Variants in INF2 observed in about 807,000 individuals in gnomAD.
The protein encoded by INF2 is inverted formin 2.
Under a neutral mutation model 123.5 loss-of-function variants are expected in INF2, and 43 were observed. The observed-to-expected ratio is 0.35, with a 90% CI of 0.27 to 0.45. The LOEUF (loss-of-function observed/expected upper bound fraction) is 0.45. INF2 is among the 20% of genes least tolerant of loss of function. The pLI, the probability that INF2 is intolerant of heterozygous loss-of-function variation, is 1.00. For missense variants in INF2, 1,453 were observed against 1,682.7 expected (o/e 0.86, Z 2.39); for synonymous variants, 851 against 745.0 (o/e 1.14, Z -2.32).
rs777686885 is a variant in INF2 at position 104,711,614 on chromosome 14, C to T, written c.2419-15C>T. 3.2e-5 allele frequency: 51 copies of T among 1,611,204 alleles called. No homozygotes were observed. Among genetic ancestry groups the T allele is most frequent in the East Asian group, 2.2e-4 (10 of 44,880 alleles). On this transcript the variant is annotated splice_polypyrimidine_tract_variant and intron_variant, in intron 15 of 22. Transcript: ENST00000392634. ...TATGACCACAGTGGATCTCACTGGA[C>T]GTGTCCCATTGCAGGAAGCGGAAAA...
At chr14:104,712,344 T>C in intron 16 of INF2, 89 bp from the exon 17 acceptor site, 1 of 1,557,160 alleles carries the variant, frequency 6.4e-7, no homozygotes, top group Non-Finnish European at 8.8e-7. Flanking sequence ...CACAGTGGGG[T>C]GCCGGGGGGT....
intron 16 of INF2, among the ~76,000 whole-genome samples, chr14:104,711,990 ACGACAGC>A (rs1890071389): frequency 6.6e-6 from 1 of 152,144 alleles, no homozygotes; most frequent in Non-Finnish European, 1.5e-5. Context: ...GTGGACCTTC[ACGACAGC>A]CGTGAGCAGG....
At chr14:104,681,710 A>C (rs1356318507) in intron 1 of INF2, 2 of 728,700 alleles carry the variant, frequency 2.7e-6, no homozygotes, top group Non-Finnish European at 4.0e-6. Flanking sequence ...GGAGGGCAGC[A>C]CGCTGGTGCA....
At chr14:104,695,993 GA>G (rs1240302167) in intron 1 of INF2, among the ~76,000 whole-genome samples, 1 of 152,170 alleles carries the variant, frequency 6.6e-6, no homozygotes, top group Non-Finnish European at 1.5e-5. Flanking sequence ...TCCTCAGTAT[GA>G]AACGACCATA....
intron 20 of INF2, 70 bp downstream of exon 20, chr14:104,713,676 C>T (rs759363459): frequency 4.3e-4 from 653 of 1,524,984 alleles, no homozygotes; most frequent in Non-Finnish European, 5.5e-4. Flanking sequence ...TCCAGGAAGT[C>T]CTCCTGACTT....
chr14:104,707,175 T>C, intron 7 of INF2, 78 bp from the exon 8 acceptor site: 1 of 1,517,620 alleles, frequency 6.6e-7, no homozygotes, highest in Non-Finnish European at 8.8e-7. Flanking sequence ...TGGCCGCTTT[T>C]TCCTGCCTCT....
At chr14:104,697,931 T>C (rs1470620969) in intron 1 of INF2, among the ~76,000 whole-genome samples, 2 of 152,202 alleles carry the variant, frequency 1.3e-5, no homozygotes, top group East Asian at 1.9e-4. Context: ...CCTGACCCTT[T>C]TGCTGTCCAA....
Position 104,714,812 on chromosome 14 carries a change from G to C in INF2, c.3650G>C (p.Gly1217Ala). The change falls in exon 21 of 23, where the codon GGG becomes GCG. Residue 1217 changes from glycine (G) to alanine (A), a missense_variant. Physicochemically the swap from Gly to Ala is moderately conservative, Grantham distance 60. Around this residue, in one of 8 missense-constraint regions of INF2, gnomAD observed 344 missense variants for 333.1 expected, o/e 1.03. Transcript: ENST00000392634. ...LPRARGRASK[G>A]TGKRRKKRPS... ...AGGGCCCGGGGCCGGGCCTCAAAGGGGACCGGGAAGCGAAGGAAGAAGCGT... is the reference window on the plus strand; with the variant it reads ...AGGGCCCGGGGCCGGGCCTCAAAGGCGACCGGGAAGCGAAGGAAGAAGCGT... 3 of 1,595,294 alleles carry C rather than the reference G, an allele frequency of 1.9e-6. No homozygotes were observed. Among genetic ancestry groups the C allele is most frequent in the Non-Finnish European group, 2.6e-6 (3 of 1,173,418 alleles).
intron 1 of INF2, among the ~76,000 whole-genome samples, chr14:104,691,463 C>T (rs1358035672): frequency 6.6e-6 from 1 of 152,186 alleles, no homozygotes; most frequent in Non-Finnish European, 1.5e-5. Context: ...AGACCTGACT[C>T]CCTGCTGCCA....
At chr14:104,695,463 G>A (rs564840252) in intron 1 of INF2, among the ~76,000 whole-genome samples, 17 of 152,136 alleles carry the variant, frequency 1.1e-4, no homozygotes, top group African/African-American at 3.6e-4. Context: ...GGTGACTGGC[G>A]AGCCGCCCAC....
At position 104,708,599 on chromosome 14, in the gene INF2, G is replaced by C; in HGVS notation, c.1887+12G>C. ...AGGAGCCCAAGGAGGTGGGGACGGG[G>C]AGGGGACTCAGACCGGGGCCGCCTG... On this transcript the variant is annotated intron_variant, in intron 9 of 22. Transcript: ENST00000392634. 7.4e-6 allele frequency: 12 copies of C among 1,612,656 alleles called. No homozygotes were observed. The highest frequency in any genetic ancestry group is 1.0e-5 in the Non-Finnish European group (12 of 1,179,866).
upstream of INF2, chr14:104,689,611 C>T: frequency 1.1e-6 from 1 of 875,990 alleles, no homozygotes; most frequent in African/African-American, 1.8e-5. Flanking sequence ...CCGCCCGCCC[C>T]GCGCCCGCCA....
At chr14:104,708,773 T>G in intron 10 of INF2, 41 bp downstream of exon 10, 1 of 1,600,710 alleles carries the variant, frequency 6.2e-7, no homozygotes, top group Non-Finnish European at 8.6e-7. Flanking sequence ...CCACGGAGCC[T>G]CGCCTCCACC....
intron 22 of INF2, among the ~76,000 whole-genome samples, chr14:104,717,229 G>C (rs918429605): frequency 6.9e-6 from 1 of 144,544 alleles, no homozygotes; most frequent in East Asian, 2.0e-4. Flanking sequence ...AGTCCCCCCC[G>C]GGCAGGGTGC....
intron 12 of INF2, 49 bp from the exon 13 acceptor site, chr14:104,710,039 G>T: frequency 6.9e-7 from 1 of 1,444,220 alleles, no homozygotes; most frequent in Non-Finnish European, 9.5e-7. Context: ...CCTCTGGCAG[G>T]GACAGGTGGG....
chr14:104,704,216 A>G, intron 5 of INF2: 1 of 1,401,538 alleles, frequency 7.1e-7, no homozygotes, highest in Middle Eastern at 2.6e-4. Flanking sequence ...CACACCGTGG[A>G]TGGAGCTGGA....
chr14:104,696,569 C>CT (rs1487203588), intron 1 of INF2, among the ~76,000 whole-genome samples: 1 of 152,156 alleles, frequency 6.6e-6, no homozygotes, highest in African/African-American at 2.4e-5. Flanking sequence ...AGCTGGGAGT[C>CT]TGAGTGTGAG....
At chr14:104,710,607 A>T (rs1890007010) in intron 13 of INF2, 1 of 506,410 alleles carries the variant, frequency 2.0e-6, no homozygotes, top group Non-Finnish European at 3.6e-6. Context: ...ACACCCTCAC[A>T]TACATGTACA....
At chr14:104,715,468 G>A (rs770993669) in intron 22 of INF2, 128 bp downstream of exon 22, 2 of 887,110 alleles carry the variant, frequency 2.3e-6, no homozygotes, top group Non-Finnish European at 3.7e-6. Flanking sequence ...GCGTCAGTGT[G>A]GCCTTGCCGC....
Sources: gnomAD v4.1 joint callset for allele counts (sites outside exome capture counted in the v4.1 genomes callset) on GRCh38, gnomAD v4.1.1 for gene constraint, gnomAD v4.1.1 regional missense constraint, MANE v1.5 for transcripts, NCBI Gene and HGNC (gene_info 2026-07-23, HGNC 2026-07-21) for gene names.